Variants in KRT79 observed in about 807,000 individuals in gnomAD.
The protein encoded by KRT79 is keratin, type II cytoskeletal 79.
In KRT79, 51 loss-of-function variants were observed where a neutral mutation model predicts 49.0. That is an observed-to-expected ratio of 1.04 (90% CI 0.83 to 1.31). The LOEUF (loss-of-function observed/expected upper bound fraction) is 1.31, where lower values mean the gene tolerates loss of function less well. Ranked by LOEUF, KRT79 falls within the 40% of genes most tolerant of loss-of-function variation. The pLI, the probability that KRT79 is intolerant of heterozygous loss-of-function variation, is 0.00. For synonymous variants in KRT79, 312 were observed against 286.6 expected (o/e 1.09, Z -0.90); for missense variants, 728 against 688.0 (o/e 1.06, Z -0.65).
chr12:52,831,349 G>A (rs2121288359), intron 2 of KRT79, 57 bp downstream of exon 2: 2 of 1,538,548 alleles, frequency 1.3e-6, no homozygotes. Flanking sequence ...CCTCTTGGCA[G>A]GTTTCCCACT....
At chr12:52,824,942 G>T (rs970968946) in intron 4 of KRT79, among the ~76,000 whole-genome samples, 3 of 152,236 alleles carry the variant, frequency 2.0e-5, no homozygotes, top group Admixed American at 2.0e-4. Flanking sequence ...CAAAGCCCAA[G>T]TGGTTTCCTC....
intron 1 of KRT79, among the ~76,000 whole-genome samples, chr12:52,833,044 A>G (rs1173682735): frequency 1.3e-5 from 2 of 152,202 alleles, no homozygotes; most frequent in Non-Finnish European, 2.9e-5. Context: ...GAGGTGGACA[A>G]TGCCAGCGAA....
Position 52,834,301 on chromosome 12 carries a change from G to A in KRT79, c.-41C>T, listed in dbSNP as rs1290106569. 6 of 1,524,804 alleles carry A rather than the reference G, an allele frequency of 3.9e-6. No individual in the cohort carries two copies. The highest frequency in any genetic ancestry group is 1.4e-5 in the African/African-American group (1 of 72,998). 94.5% of individuals were successfully genotyped at this position (1,524,804 alleles called of 1,614,324 possible). A position where few individuals can be genotyped will look rare whatever the true frequency, so the allele number is the denominator to read the frequency against. ...GGAGGGCAGGATGAGAGGGCAGGAAGGGAGTGCCGTGAGCTGCTGGGCCAC... is the reference window on the plus strand; with the variant it reads ...GGAGGGCAGGATGAGAGGGCAGGAAAGGAGTGCCGTGAGCTGCTGGGCCAC... On this transcript the variant is annotated 5_prime_UTR_variant, in exon 1 of 9. Transcript: ENST00000330553.
At chr12:52,823,843 G>T (rs771249778) in intron 6 of KRT79, 44 bp downstream of exon 6, 3 of 1,585,114 alleles carry the variant, frequency 1.9e-6, no homozygotes, top group South Asian at 2.3e-5. Context: ...AGAAGGCCCT[G>T]CCAACACCTA....
At position 52,830,217 on chromosome 12, in the gene KRT79, C is replaced by T. The variant is rs1940232741; in HGVS notation, c.759+15G>A. ...GGCAGCCAAAGGACCACCTCCCCCA[C>T]TCCACTCGGCTCACCTTCTTGAGCA... is the stretch of plus-strand genomic sequence containing the variant. On this transcript the variant is annotated intron_variant, in intron 3 of 8. Transcript: ENST00000330553. The T allele has an allele frequency of 6.2e-7, 1 of 1,614,200 alleles. No homozygotes were observed. Among genetic ancestry groups the T allele is most frequent in the South Asian group, 1.1e-5 (1 of 91,080 alleles).
At chr12:52,829,499 T>C (rs1174458194) in intron 4 of KRT79, among the ~76,000 whole-genome samples, 2 of 152,224 alleles carry the variant, frequency 1.3e-5, no homozygotes, top group Admixed American at 6.5e-5. Context: ...ATTGAGACAA[T>C]AATAGTTCTT....
rs1158137067 is a variant in KRT79 at position 52,824,233 on chromosome 12, T to C, written c.985A>G (p.Ser329Gly). 7 of 1,614,214 alleles carry C rather than the reference T, an allele frequency of 4.3e-6. No individual in the cohort carries two copies. The highest frequency in any genetic ancestry group is 5.1e-6 in the Non-Finnish European group (6 of 1,180,040). ...KAQYELIAQR[S>G]RAEAEAWYQT... Reference sequence around the variant, plus strand: ...TACCAGGCCTCGGCCTCAGCCCGGCTCCTCTGGGCAATCAGCTCATACTGG... The same window carrying C: ...TACCAGGCCTCGGCCTCAGCCCGGCCCCTCTGGGCAATCAGCTCATACTGG... Residue 329 changes from serine to glycine, a missense_variant, in exon 5 of 9, where the codon AGC becomes GGC. By Grantham distance (56) the Ser-to-Gly change is moderately conservative. Coordinates refer to ENST00000330553, the MANE Select transcript of KRT79 (RefSeq NM_175834.3).
intron 4 of KRT79, among the ~76,000 whole-genome samples, chr12:52,824,905 C>A (rs1478299094): frequency 1.3e-5 from 2 of 152,180 alleles, no homozygotes; most frequent in Non-Finnish European, 2.9e-5. Context: ...AGGGTGGGAC[C>A]CAGCCTGGGA....
intron 4 of KRT79, among the ~76,000 whole-genome samples, chr12:52,825,802 C>T (rs1022543685): frequency 7.9e-5 from 12 of 152,176 alleles, no homozygotes; most frequent in African/African-American, 1.7e-4. Context: ...CAGCCTAACA[C>T]GCACTGGCTG....
chr12:52,824,025 G>T lies in KRT79; in HGVS notation c.1021-13C>A, dbSNP rs554287138. On this transcript the variant is annotated splice_polypyrimidine_tract_variant and intron_variant, in intron 5 of 8. Coordinates refer to ENST00000330553, the MANE Select transcript of KRT79 (RefSeq NM_175834.3). ...GCAGCTCCTCATACTGGGGACCAAA[G>T]AAGTGGCAGTGCGCTTTCAAATGGC... The T allele has an allele frequency of 6.2e-7, 1 of 1,614,098 alleles. No individual in the cohort carries two copies. The highest frequency in any genetic ancestry group is 8.5e-7 in the Non-Finnish European group (1 of 1,180,024).
Position 52,831,569 on chromosome 12 carries a change from C to G in KRT79, c.535G>C (p.Glu179Gln). The change falls in exon 2 of 9, where the codon GAG becomes CAG. Residue 179 changes from glutamate (E) to glutamine (Q), a missense_variant. Coordinates refer to ENST00000330553, the MANE Select transcript of KRT79 (RefSeq NM_175834.3). ...GTGACACCCAAGTTCTGGCCCTGCTCCTGCAGCAGTGCCCACTTGGTCTCC... is the reference window on the plus strand; with the variant it reads ...GTGACACCCAAGTTCTGGCCCTGCTGCTGCAGCAGTGCCCACTTGGTCTCC... ...VLETKWALLQ[E>Q]QGQNLGVTRN... The G allele has an allele frequency of 1.2e-6, 2 of 1,614,258 alleles. No homozygotes were observed. The highest frequency in any genetic ancestry group is 1.7e-6 in the Non-Finnish European group (2 of 1,180,046).
intron 4 of KRT79, among the ~76,000 whole-genome samples, chr12:52,826,754 C>T (rs1036103004): frequency 4.6e-5 from 7 of 152,038 alleles, no homozygotes; most frequent in African/African-American, 1.4e-4. Flanking sequence ...ATGGAGGCTG[C>T]CTTCCTGCCC....
In KRT79 at chr12:52,834,003, C is replaced by G; in HGVS notation, c.258G>C (p.Gly86=). The G allele has an allele frequency of 1.2e-6, 2 of 1,612,612 alleles. No homozygotes were observed. The highest frequency in any genetic ancestry group is 2.2e-5 in the South Asian group (2 of 90,938). ...AGGALLGRAL[G]GFGFGSRAFM... Reference sequence around the variant, plus strand: ...ATGCCCTGCTGCCAAAGCCAAAGCCCCCCAGAGCCCGCCCCAACAAGGCCC... The same window carrying G: ...ATGCCCTGCTGCCAAAGCCAAAGCCGCCCAGAGCCCGCCCCAACAAGGCCC... The change falls in exon 1 of 9, where the codon GGG becomes GGC. Residue 86 remains glycine (G), a synonymous_variant. Coordinates refer to ENST00000330553, the MANE Select transcript of KRT79 (RefSeq NM_175834.3).
intron 6 of KRT79, 98 bp downstream of exon 6, chr12:52,823,789 G>A: frequency 1.5e-6 from 2 of 1,357,824 alleles, no homozygotes; most frequent in Non-Finnish European, 2.0e-6. Flanking sequence ...ATTCTATTGT[G>A]TCCGTCAGGA....
At chr12:52,830,331 C>A (rs377329092) in intron 2 of KRT79, 39 bp from the exon 3 acceptor site, 76 of 1,600,434 alleles carry the variant, frequency 4.7e-5, no homozygotes, top group Non-Finnish European at 6.2e-5. Flanking sequence ...CTCAGCCTGG[C>A]TCTGCCTTTC....
intron 7 of KRT79, 122 bp downstream of exon 7, chr12:52,822,894 G>A (rs528030684): frequency 1.4e-5 from 13 of 922,734 alleles, no homozygotes; most frequent in Middle Eastern, 3.4e-4. Flanking sequence ...TTCCCCCCGC[G>A]TGAGTCAGGA....
At position 52,821,606 on chromosome 12, in the gene KRT79, C is replaced by A. The variant is rs551116360; in HGVS notation, c.*266G>T. 7.6e-4 allele frequency: 385 copies of A among 504,886 alleles called. 5 individuals carry two copies. The highest frequency in any genetic ancestry group is 1.1e-3 in the Non-Finnish European group (308 of 278,168). The allele number at this position is 504,886 out of a possible 1,614,324, so 31.3% of individuals were successfully genotyped here. On this transcript the variant is annotated 3_prime_UTR_variant, in exon 9 of 9. Coordinates refer to ENST00000330553, the MANE Select transcript of KRT79 (RefSeq NM_175834.3). ...TGGCTTGAGAAATTCAGCCTCCTCT[C>A]GGTGGTCAAAAGGTCACCCCCAAGT...
At chr12:52,824,466 C>G (rs1375483262) in intron 4 of KRT79, 104 bp from the exon 5 acceptor site, 18 of 1,187,212 alleles carry the variant, frequency 1.5e-5, no homozygotes, top group Non-Finnish European at 2.0e-5. Context: ...GAGGCCTGTG[C>G]TCTTGTCCAG....
intron 8 of KRT79, 107 bp from the exon 9 acceptor site, chr12:52,822,184 G>T (rs1940100624): frequency 1.5e-6 from 2 of 1,343,960 alleles, no homozygotes; most frequent in Non-Finnish European, 2.1e-6. Context: ...GCAGAGCTAT[G>T]GGAAATGGAT....
Sources: gnomAD v4.1 joint callset for allele counts (sites outside exome capture counted in the v4.1 genomes callset) on GRCh38, gnomAD v4.1.1 for gene constraint, MANE v1.5 for transcripts, NCBI Gene and HGNC (gene_info 2026-07-23, HGNC 2026-07-21) for gene names.